Variants in GSG1L observed in about 807,000 individuals in gnomAD.
GSG1L encodes germ cell-specific gene 1-like protein.
GSG1L carries 24 observed loss-of-function variants against 42.1 expected under a neutral mutation model. The observed-to-expected ratio is 0.57, with a 90% CI of 0.41 to 0.80. The LOEUF is 0.80. Among genes scored for constraint, GSG1L ranks in the 30% least tolerant of loss-of-function variants. The pLI, the probability that GSG1L is intolerant of heterozygous loss-of-function variation, is 0.00. For missense variants in GSG1L, 445 were observed against 472.2 expected (o/e 0.94, Z 0.53); for synonymous variants, 215 against 203.5 (o/e 1.06, Z -0.48).
chr16:27,991,921 G>A (rs1400315765), intron 1 of GSG1L, among the ~76,000 whole-genome samples: 1 of 152,120 alleles, frequency 6.6e-6, no homozygotes, highest in Non-Finnish European at 1.5e-5. Context: ...CCAGACCCAG[G>A]GACTACCTCA....
intron 2 of GSG1L, among the ~76,000 whole-genome samples, chr16:27,922,592 A>G (rs2084538019): frequency 6.6e-6 from 1 of 152,048 alleles, no homozygotes; most frequent in Admixed American, 6.6e-5. Flanking sequence ...ACTCTACACT[A>G]TTCTTTCTCC....
At chr16:27,859,430 C>T (rs1177146024) in intron 3 of GSG1L, among the ~76,000 whole-genome samples, 4 of 152,214 alleles carry the variant, frequency 2.6e-5, no homozygotes, top group Admixed American at 2.0e-4. Flanking sequence ...AGTCCATCCT[C>T]CGGCGAGTGC....
At chr16:27,823,558 G>T (rs2083172409) in intron 5 of GSG1L, among the ~76,000 whole-genome samples, 1 of 152,056 alleles carries the variant, frequency 6.6e-6, no homozygotes, top group African/African-American at 2.4e-5. Context: ...AGGACAGCAG[G>T]AAAGACTCGG....
chr16:27,808,708 G>A (rs956607380), intron 5 of GSG1L, among the ~76,000 whole-genome samples: 10 of 152,242 alleles, frequency 6.6e-5, no homozygotes, highest in South Asian at 2.1e-4. Flanking sequence ...ATAATTCTGC[G>A]TACTATCAAA....
At chr16:27,893,459 G>A (rs1420608413) in intron 2 of GSG1L, among the ~76,000 whole-genome samples, 3 of 152,198 alleles carry the variant, frequency 2.0e-5, no homozygotes, top group East Asian at 1.9e-4. Flanking sequence ...CTTGTTGCAC[G>A]CAGTAAATGA....
chr16:27,807,888 G>T (rs563043746), intron 5 of GSG1L, among the ~76,000 whole-genome samples: 7 of 152,312 alleles, frequency 4.6e-5, no homozygotes, highest in African/African-American at 1.7e-4. Context: ...TATATCAAAA[G>T]ATGTTTACAG....
At chr16:28,006,889 G>A (rs2085646621) in intron 1 of GSG1L, among the ~76,000 whole-genome samples, 2 of 152,098 alleles carry the variant, frequency 1.3e-5, no homozygotes, top group Admixed American at 6.5e-5. Flanking sequence ...GGACCCCTCG[G>A]GAACAGGAGT....
intron 5 of GSG1L, chr16:27,823,783 A>C: frequency 2.9e-6 from 2 of 693,382 alleles, no homozygotes; most frequent in Non-Finnish European, 5.3e-6. Flanking sequence ...CAGCAGAGAT[A>C]ATTGATCAAG....
intron 2 of GSG1L, among the ~76,000 whole-genome samples, chr16:27,937,534 G>A (rs866626491): frequency 1.3e-5 from 2 of 152,136 alleles, no homozygotes; most frequent in Non-Finnish European, 2.9e-5. Context: ...GAGCCACCAC[G>A]CCTGGCCCCT....
At chr16:27,908,480 G>C (rs2084345761) in intron 2 of GSG1L, among the ~76,000 whole-genome samples, 1 of 152,102 alleles carries the variant, frequency 6.6e-6, no homozygotes, top group Non-Finnish European at 1.5e-5. Flanking sequence ...TCTACACTTT[G>C]GTCTGTTTCC....
intron 2 of GSG1L, among the ~76,000 whole-genome samples, chr16:27,939,738 C>T (rs1371727251): frequency 6.6e-6 from 1 of 152,170 alleles, no homozygotes; most frequent in African/African-American, 2.4e-5. Flanking sequence ...CCTGGGGGAC[C>T]GAGGAAGGGA....
chr16:27,937,158 CA>C (rs377624100), intron 2 of GSG1L, among the ~76,000 whole-genome samples: 23 of 152,316 alleles, frequency 1.5e-4, no homozygotes, highest in South Asian at 1.2e-3. Flanking sequence ...CCAGTGTTTC[CA>C]GGGACATTTG....
chr16:27,940,856 T>TAATAA (rs373411759), intron 2 of GSG1L, among the ~76,000 whole-genome samples: 47 of 149,888 alleles, frequency 3.1e-4, no homozygotes, highest in South Asian at 2.5e-3. Context: ...AGTATAATAA[T>TAATAA]AATAAAATAA....
intron 2 of GSG1L, 53 bp downstream of exon 2, chr16:27,963,103 A>C: frequency 6.7e-7 from 1 of 1,502,120 alleles, no homozygotes; most frequent in Non-Finnish European, 9.3e-7. Flanking sequence ...AAGGTAGGAA[A>C]GATGTCCCCA....
At chr16:27,865,464 C>T (rs2083703033) in intron 3 of GSG1L, among the ~76,000 whole-genome samples, 1 of 146,928 alleles carries the variant, frequency 6.8e-6, no homozygotes, top group Admixed American at 6.9e-5. Context: ...GTGGAAGTGG[C>T]CGCACTGGAT....
chr16:27,891,434 A>T (rs939988020), intron 2 of GSG1L, among the ~76,000 whole-genome samples: 1 of 148,226 alleles, frequency 6.7e-6, no homozygotes, highest in Middle Eastern at 3.4e-3. Flanking sequence ...GTTTCTAGCC[A>T]TACTGTGTAA....
chr16:27,918,846 A>G (rs1394006299), intron 2 of GSG1L, among the ~76,000 whole-genome samples: 1 of 152,040 alleles, frequency 6.6e-6, no homozygotes, highest in Non-Finnish European at 1.5e-5. Flanking sequence ...TCTGATGTAA[A>G]GTACCATGAA....
chr16:27,967,837 T>C (rs1022167858), intron 1 of GSG1L, among the ~76,000 whole-genome samples: 4 of 152,106 alleles, frequency 2.6e-5, no homozygotes, highest in African/African-American at 9.7e-5. Flanking sequence ...CGCTTGAATA[T>C]GGTAGGTGGA....
intron 1 of GSG1L, among the ~76,000 whole-genome samples, chr16:27,992,866 G>C (rs1447318538): frequency 6.6e-6 from 1 of 152,132 alleles, no homozygotes; most frequent in African/African-American, 2.4e-5. Flanking sequence ...ATATTAAGCT[G>C]AAGTTAGGAC....
Sources: gnomAD v4.1 joint callset for allele counts (sites outside exome capture counted in the v4.1 genomes callset) on GRCh38, gnomAD v4.1.1 for gene constraint, MANE v1.5 for transcripts, NCBI Gene and HGNC (gene_info 2026-07-23, HGNC 2026-07-21) for gene names.